The following DOCK1 variants were observed in gnomAD, a reference collection of about 807,000 sequenced individuals.
DOCK1 encodes the protein dedicator of cytokinesis protein 1.
In DOCK1, 138 loss-of-function variants were observed where a neutral mutation model predicts 262.7. That is an observed-to-expected ratio of 0.53 (90% CI 0.46 to 0.61). The LOEUF (loss-of-function observed/expected upper bound fraction) is 0.61. DOCK1 is among the 20% of genes least tolerant of loss of function. The pLI, the probability that DOCK1 is intolerant of heterozygous loss-of-function variation, is 0.00. For missense variants in DOCK1, 1,908 were observed against 2,370.7 expected (o/e 0.80, Z 4.05); for synonymous variants, 866 against 867.4 (o/e 1.00, Z 0.03).
intron 29 of DOCK1, among the ~76,000 whole-genome samples, chr10:127,310,357 G>A (rs898588485): frequency 2.0e-5 from 3 of 151,506 alleles, no homozygotes; most frequent in Admixed American, 1.3e-4. Context: ...GAAAATGAAG[G>A]AAATTGGATG....
intron 25 of DOCK1, among the ~76,000 whole-genome samples, chr10:127,118,686 G>C (rs1408976095): frequency 2.0e-5 from 3 of 152,196 alleles, no homozygotes; most frequent in Non-Finnish European, 4.4e-5. Context: ...TACCTCAAGA[G>C]TGAAGTGCAG....
chr10:127,287,288 G>T (rs879399781), intron 29 of DOCK1, among the ~76,000 whole-genome samples: 1 of 150,650 alleles, frequency 6.6e-6, no homozygotes, highest in African/African-American at 2.4e-5. Context: ...CTGCAGCCTC[G>T]AACTCTTGGG....
chr10:127,258,855 A>G (rs1473873088), intron 29 of DOCK1, among the ~76,000 whole-genome samples: 1 of 152,194 alleles, frequency 6.6e-6, no homozygotes, highest in African/African-American at 2.4e-5. Context: ...AGGATGTTAA[A>G]TTGAATTTCC....
intron 27 of DOCK1, among the ~76,000 whole-genome samples, chr10:127,181,024 G>A (rs2055681472): frequency 2.0e-5 from 3 of 152,232 alleles, no homozygotes; most frequent in South Asian, 2.1e-4. Context: ...CCTGAAGCAG[G>A]CCTCTGGAAG....
intron 27 of DOCK1, chr10:127,128,113 A>G (rs1309942924): frequency 6.2e-6 from 1 of 160,972 alleles, no homozygotes; most frequent in Non-Finnish European, 1.4e-5. Flanking sequence ...GAGATTCTTC[A>G]CCTTAGTTAT....
chr10:127,146,144 G>T (rs117367773), intron 27 of DOCK1: 13,278 of 461,850 alleles, frequency 0.029, 244 homozygotes, highest in Non-Finnish European at 0.041. Flanking sequence ...GAAACTGACA[G>T]CGTAGTCCCC....
At chr10:127,041,991 C>T (rs1364325016) in intron 19 of DOCK1, among the ~76,000 whole-genome samples, 1 of 152,180 alleles carries the variant, frequency 6.6e-6, no homozygotes, top group Non-Finnish European at 1.5e-5. Flanking sequence ...TGTGACATGC[C>T]TTTGAAGTCT....
intron 44 of DOCK1, 118 bp from the exon 45 acceptor site, chr10:127,418,247 G>T: frequency 8.4e-7 from 1 of 1,189,340 alleles, no homozygotes; most frequent in African/African-American, 1.5e-5. Context: ...AATTCTGTTT[G>T]GAAGAAAGGT....
intron 23 of DOCK1, among the ~76,000 whole-genome samples, chr10:127,103,113 C>G (rs1236349920): frequency 6.6e-6 from 1 of 152,150 alleles, no homozygotes; most frequent in African/African-American, 2.4e-5. Context: ...CATCTGTGTT[C>G]TAGGTAACAG....
At chr10:127,337,662 A>G (rs778143228) in intron 29 of DOCK1, among the ~76,000 whole-genome samples, 6 of 152,184 alleles carry the variant, frequency 3.9e-5, no homozygotes, top group Non-Finnish European at 7.3e-5. Context: ...ACTTAGAAAC[A>G]CTAATTCCTC....
intron 14 of DOCK1, among the ~76,000 whole-genome samples, 160 bp downstream of exon 14, chr10:127,023,484 G>A (rs9418700): frequency 0.11 from 16,624 of 151,574 alleles, 1,087 homozygotes; most frequent in Non-Finnish European, 0.15. Flanking sequence ...AGCTTGCCAT[G>A]CAGGGCCTGG....
intron 1 of DOCK1, among the ~76,000 whole-genome samples, chr10:126,950,996 ATGT>A (rs1311600487): frequency 1.3e-4 from 20 of 150,722 alleles, no homozygotes; most frequent in African/African-American, 3.4e-4. Flanking sequence ...GGTAGTATTG[ATGT>A]TGGTGGGGGT....
intron 1 of DOCK1, among the ~76,000 whole-genome samples, chr10:126,909,670 T>C (rs1356655920): frequency 6.6e-6 from 1 of 152,180 alleles, no homozygotes; most frequent in East Asian, 1.9e-4. Flanking sequence ...CATACTTTCT[T>C]AGCCTTGGTT....
At position 127,374,129 on chromosome 10, in the gene DOCK1, G is replaced by A. The variant is rs138926927; in HGVS notation, c.3590G>A (p.Arg1197His). Residue 1197 changes from arginine (R) to histidine (H), a missense_variant, in exon 35 of 52, where the codon CGC becomes CAC. Coordinates refer to ENST00000623213, the MANE Select transcript of DOCK1 (RefSeq NM_001290223.2). Reference sequence around the variant, plus strand: ...GAAACTTTTGTAAAACTCGTTGTGCGCTTAATGGAAAGGCTTTTGGATTAT... The same window carrying A: ...GAAACTTTTGTAAAACTCGTTGTGCACTTAATGGAAAGGCTTTTGGATTAT... ...TGETFVKLVV[R>H]LMERLLDYRT... 3.2e-4 allele frequency: 510 copies of A among 1,613,660 alleles called. No individual in the cohort carries two copies. Among genetic ancestry groups the A allele is most frequent in the Admixed American group, 4.0e-4 (24 of 59,982 alleles).
intron 25 of DOCK1, among the ~76,000 whole-genome samples, chr10:127,123,623 G>A (rs771448772): frequency 6.6e-6 from 1 of 152,182 alleles, no homozygotes; most frequent in Non-Finnish European, 1.5e-5. Context: ...TTGAGATTTG[G>A]GGGTATTTGT....
intron 29 of DOCK1, among the ~76,000 whole-genome samples, chr10:127,303,712 T>C (rs2061772831): frequency 1.4e-5 from 2 of 147,862 alleles, no homozygotes; most frequent in Non-Finnish European, 3.0e-5. Context: ...TTTTTAAAAA[T>C]TAGCCGGATC....
chr10:127,139,194 T>C (rs1024923208), intron 27 of DOCK1, among the ~76,000 whole-genome samples: 2 of 152,128 alleles, frequency 1.3e-5, no homozygotes, highest in South Asian at 4.2e-4. Context: ...CCGTAAACCA[T>C]TTATAAACAT....
In DOCK1 at chr10:127,110,301, A is replaced by G. The variant is rs776773235; in HGVS notation, c.2570A>G (p.Gln857Arg). ...LNVPMGLLTI[Q>R]KLYCLIEIVH... ...GTTCCCATGGGCTTGCTGACCATCC[A>G]GAAACTCTACTGCTTGATCGAAATC... Residue 857 changes from glutamine (Q) to arginine (R), a missense_variant, in exon 25 of 52, where the codon CAG becomes CGG. Physicochemically the swap from Gln to Arg is conservative, Grantham distance 43. Transcript: ENST00000623213. 4 of 1,613,744 alleles carry G rather than the reference A, an allele frequency of 2.5e-6. No individual in the cohort carries two copies. In the South Asian group the frequency reaches 4.4e-5, roughly 18 times the overall value.
chr10:127,434,676 C>G (rs1353062207), intron 48 of DOCK1, among the ~76,000 whole-genome samples: 1 of 146,604 alleles, frequency 6.8e-6, no homozygotes, highest in Non-Finnish European at 1.5e-5. Flanking sequence ...TTTTTTGAGA[C>G]GGAGTCTCCC....
Sources: allele counts gnomAD v4.1 joint callset (sites outside exome capture counted in the v4.1 genomes callset), GRCh38; gene constraint gnomAD v4.1.1; transcripts MANE v1.5; gene names NCBI Gene and HGNC (gene_info 2026-07-23, HGNC 2026-07-21).